SLC24A2: variants seen among roughly 807,000 people sequenced by gnomAD.
SLC24A2 encodes sodium/potassium/calcium exchanger 2.
In SLC24A2, 36 loss-of-function variants were observed where a neutral mutation model predicts 62.0. That is an observed-to-expected ratio of 0.58 (90% CI 0.44 to 0.77). The LOEUF (loss-of-function observed/expected upper bound fraction) is 0.77, where lower values mean the gene tolerates loss of function less well. SLC24A2 is among the 30% of genes least tolerant of loss of function. The probability of loss-of-function intolerance (pLI) is 0.00; values close to 1 mark genes in which losing one functional copy is unlikely to be tolerated. For missense variants in SLC24A2, 846 were observed against 817.9 expected, an observed-to-expected ratio of 1.03 and a Z score of -0.42; for synonymous variants, 358 against 294.0, an observed-to-expected ratio of 1.22 and a Z score of -2.23.
the SLC24A2 span, among the ~76,000 whole-genome samples, chr9:19,869,257 A>G: frequency 5.3e-5 from 8 of 152,204 alleles, no homozygotes; most frequent in East Asian, 3.9e-4. Context: ...CTAGGATTAC[A>G]GGCTTGAGCT....
chr9:20,085,821 T>G, the SLC24A2 span, among the ~76,000 whole-genome samples: 1 of 152,238 alleles, frequency 6.6e-6, no homozygotes, highest in African/African-American at 2.4e-5. Flanking sequence ...CAATGCTCAT[T>G]AGTATTAAAA....
At chr9:20,120,436 A>AGTGAATTAAT in the SLC24A2 span, among the ~76,000 whole-genome samples, 2 of 152,190 alleles carry the variant, frequency 1.3e-5, no homozygotes, top group South Asian at 4.1e-4. Flanking sequence ...CATTATCCTA[A>AGTGAATTAAT]GTGAATTAAT....
At chr9:19,643,871 T>C (rs1377045690) in intron 2 of SLC24A2, among the ~76,000 whole-genome samples, 2 of 152,238 alleles carry the variant, frequency 1.3e-5, no homozygotes, top group Non-Finnish European at 2.9e-5. Context: ...ATCCACAGAT[T>C]CAATAGAATT....
chr9:20,068,039 ATC>A, the SLC24A2 span, among the ~76,000 whole-genome samples: 2 of 143,352 alleles, frequency 1.4e-5, no homozygotes, highest in Middle Eastern at 3.7e-3. Context: ...CCTCACCAAC[ATC>A]TGTTATTTTT....
chr9:19,519,297 GTGT>G (rs1017503132), intron 10 of SLC24A2, among the ~76,000 whole-genome samples: 58 of 151,062 alleles, frequency 3.8e-4, no homozygotes, highest in Non-Finnish European at 6.6e-4. Flanking sequence ...CAACAAAGAA[GTGT>G]TGTTTCCGAG....
rs372780587 is a variant in SLC24A2, at chr9:19,702,582, A to G, written c.931-80283T>C. Among the ~76,000 whole-genome samples the G allele has an allele frequency of 4.6e-5, 7 of 152,336 alleles. No individual in the cohort carries two copies. The East Asian group carries it at 1.2e-3, about 25-fold the overall frequency. On this transcript the variant is annotated intron_variant, in intron 2 of 10. Transcript: ENST00000341998. ...GGGCTCCCAGAACTGGTCTTTCAGT[A>G]GTTTACATAATAATAGCTACAATAA... is the stretch of plus-strand genomic sequence containing the variant.
In SLC24A2 at chr9:19,786,667, G is replaced by C. The variant is rs1823184035; in HGVS notation, c.200C>G (p.Thr67Arg). ...SAFSETDTQS[T>R]GEASVVSGPR... ...GCCACTTACAACACTGGCCTCTCCT[G>C]TGCTCTGTGTATCTGTCTCAGAAAA... is the stretch of plus-strand genomic sequence containing the variant. Residue 67 changes from threonine to arginine, a missense_variant, in exon 2 of 11, where the codon ACA becomes AGA. Transcript: ENST00000341998. The surrounding 1 kb of genome is among the most constrained non-coding windows in gnomAD (Gnocchi z 5.0). 1.2e-6 allele frequency: 2 copies of C among 1,613,918 alleles called. No individual in the cohort carries two copies. Among genetic ancestry groups the C allele is most frequent in the Non-Finnish European group, 1.7e-6 (2 of 1,179,964 alleles).
chr9:19,771,747 A>T (rs1822696691), intron 2 of SLC24A2, among the ~76,000 whole-genome samples: 1 of 152,234 alleles, frequency 6.6e-6, no homozygotes, highest in Non-Finnish European at 1.5e-5. Context: ...CGGAATGTGC[A>T]CATTAATCAG....
chr9:20,266,546 T>A, the SLC24A2 span, among the ~76,000 whole-genome samples: 3 of 152,192 alleles, frequency 2.0e-5, no homozygotes, highest in Admixed American at 6.5e-5. Flanking sequence ...CAGTAATTTT[T>A]TTTTTTGGCA....
chr9:19,736,240 G>A (rs1038686490), intron 2 of SLC24A2, among the ~76,000 whole-genome samples: 4 of 151,966 alleles, frequency 2.6e-5, no homozygotes, highest in East Asian at 1.9e-4. Flanking sequence ...TTAATCCAAA[G>A]AGTAGCAAAA....
At chr9:19,869,428 T>C in the SLC24A2 span, among the ~76,000 whole-genome samples, 2 of 152,238 alleles carry the variant, frequency 1.3e-5, no homozygotes, top group African/African-American at 4.8e-5. Flanking sequence ...TTCAAGATTT[T>C]TTCTTTGTCC....
chr9:19,801,475 A>T, the SLC24A2 span, among the ~76,000 whole-genome samples: 1 of 152,226 alleles, frequency 6.6e-6, no homozygotes, highest in Non-Finnish European at 1.5e-5. Context: ...GCCATAACAA[A>T]CACGGACCAG....
intron 2 of SLC24A2, among the ~76,000 whole-genome samples, chr9:19,680,689 A>G (rs1377925767): frequency 1.3e-5 from 2 of 151,632 alleles, no homozygotes; most frequent in Non-Finnish European, 2.9e-5. Flanking sequence ...CTTTCCCATG[A>G]CTCAGATTTA....
intron 7 of SLC24A2, among the ~76,000 whole-genome samples, chr9:19,566,066 A>G (rs964743720): frequency 6.6e-6 from 1 of 152,194 alleles, no homozygotes; most frequent in Non-Finnish European, 1.5e-5. Flanking sequence ...CAAGGACTTC[A>G]TGTCTAAAAC....
the SLC24A2 span, among the ~76,000 whole-genome samples, chr9:19,810,810 T>C: frequency 6.6e-6 from 1 of 152,160 alleles, no homozygotes; most frequent in South Asian, 2.1e-4. Flanking sequence ...AAAAAATGTG[T>C]GAGGTCCAAA....
the SLC24A2 span, among the ~76,000 whole-genome samples, chr9:20,211,186 G>A: frequency 4.4e-3 from 666 of 152,056 alleles, 6 homozygotes; most frequent in South Asian, 0.024. Flanking sequence ...CCTATCTTCT[G>A]GAAAATATCT....
At chr9:19,972,390 G>A in the SLC24A2 span, among the ~76,000 whole-genome samples, 1 of 152,170 alleles carries the variant, frequency 6.6e-6, no homozygotes, top group Non-Finnish European at 1.5e-5. Flanking sequence ...TAATTTTACT[G>A]AAGAGGTGGT....
chr9:19,632,212 C>A lies in SLC24A2; in HGVS notation c.931-9913G>T, dbSNP rs1261985034. ...ACATCTCAGCTCACTCCCTGCACCC[C>A]ATCTGCCATCCTTTGCTGTCATAGG... is the stretch of plus-strand genomic sequence containing the variant. On this transcript the variant is annotated intron_variant, in intron 2 of 10. Coordinates refer to ENST00000341998, the MANE Select transcript of SLC24A2 (RefSeq NM_020344.4). The surrounding 1 kb of genome is among the most constrained non-coding windows in gnomAD (Gnocchi z 4.5). Among the ~76,000 whole-genome samples, 1 of 152,204 alleles carries A rather than the reference C, an allele frequency of 6.6e-6. No homozygotes were observed. The highest frequency in any genetic ancestry group is 1.9e-4 in the East Asian group (1 of 5,194).
chr9:19,932,614 G>T, the SLC24A2 span, among the ~76,000 whole-genome samples: 1 of 152,154 alleles, frequency 6.6e-6, no homozygotes, highest in Non-Finnish European at 1.5e-5. Context: ...TTCACTTCGT[G>T]GGTATGTGGA....
Sources: allele counts gnomAD v4.1 joint callset (sites outside exome capture counted in the v4.1 genomes callset), GRCh38; gene constraint gnomAD v4.1.1; non-coding constraint Gnocchi (gnomAD v3.1); transcripts MANE v1.5; gene names NCBI Gene and HGNC (gene_info 2026-07-23, HGNC 2026-07-21).